The following LRCH2 variants were observed in gnomAD, a reference collection of about 807,000 sequenced individuals.
The protein encoded by LRCH2 is leucine rich repeats and calponin homology domain containing 2.
A neutral mutation model predicts 68.9 loss-of-function variants in LRCH2; 38 were observed. The observed-to-expected ratio is 0.55, with a 90% CI of 0.43 to 0.72. The LOEUF (loss-of-function observed/expected upper bound fraction) is 0.72. LRCH2 is among the 30% of genes least tolerant of loss of function. LRCH2 has a pLI of 0.00. For synonymous variants in LRCH2, 191 were observed against 208.1 expected, an observed-to-expected ratio of 0.92 and a Z score of 0.71; for missense variants, 528 against 572.9, an observed-to-expected ratio of 0.92 and a Z score of 0.80.
intron 20 of LRCH2, among the ~76,000 whole-genome samples, chrX:115,121,499 A>C (rs1424157060): frequency 9.0e-6 from 1 of 111,130 alleles, no homozygotes; most frequent in African/African-American, 3.3e-5. Flanking sequence ...TAAAAATAAA[A>C]AATTATCTGG....
At chrX:115,189,738 C>T (rs782809501) in intron 1 of LRCH2, 69 of 1,165,675 alleles carry the variant, frequency 5.9e-5, no homozygotes, top group Admixed American at 1.3e-4. Context: ...CGCCAACCCC[C>T]GGCAGCGGCA....
intron 1 of LRCH2, among the ~76,000 whole-genome samples, chrX:115,204,117 G>C (rs1180256018): frequency 8.8e-6 from 1 of 113,070 alleles, no homozygotes; most frequent in East Asian, 2.8e-4. Flanking sequence ...AAAGCTTGAG[G>C]CTTGCACCCT....
In LRCH2 at chrX:115,131,558, A is replaced by G. The variant is rs782306502; in HGVS notation, c.1696-1359T>C. ...CTTTGCTATTGTGAATAGTGCTGCA[A>G]TAAACATATGTGTACATGTGTCTTT... is the stretch of plus-strand genomic sequence containing the variant. On this transcript the variant is annotated intron_variant, in intron 14 of 20. Transcript: ENST00000317135. Among the ~76,000 whole-genome samples the G allele has an allele frequency of 7.2e-5, 8 of 111,840 alleles. No homozygotes were observed. In the East Asian group the frequency reaches 2.3e-3, roughly 32 times the overall value.
intron 14 of LRCH2, among the ~76,000 whole-genome samples, chrX:115,139,797 C>G (rs1569512825): frequency 9.0e-6 from 1 of 111,328 alleles, no homozygotes; most frequent in Non-Finnish European, 1.9e-5. Context: ...ATGGCGGGAG[C>G]ATTTGGATCA....
intron 3 of LRCH2, among the ~76,000 whole-genome samples, chrX:115,181,312 T>A (rs1407695860): frequency 8.9e-6 from 1 of 112,185 alleles, no homozygotes; most frequent in Non-Finnish European, 1.9e-5. Flanking sequence ...CTGACTTATA[T>A]TTTGACAGGA....
At chrX:115,173,186 T>C (rs2072618107) in intron 5 of LRCH2, among the ~76,000 whole-genome samples, 1 of 111,429 alleles carries the variant, frequency 9.0e-6, no homozygotes, top group African/African-American at 3.3e-5. Flanking sequence ...TTAAGTGCCA[T>C]GTCCATCCCG....
At chrX:115,116,681 A>C (rs1350917175) in intron 20 of LRCH2, among the ~76,000 whole-genome samples, 1 of 111,395 alleles carries the variant, frequency 9.0e-6, no homozygotes, top group Non-Finnish European at 1.9e-5. Flanking sequence ...ATATCTCAAT[A>C]AAAATATTTT....
At chrX:115,214,303 G>A (rs1556570831) in intron 1 of LRCH2, among the ~76,000 whole-genome samples, 1 of 112,138 alleles carries the variant, frequency 8.9e-6, no homozygotes, top group Non-Finnish European at 1.9e-5. Flanking sequence ...ATGCAAGGAT[G>A]GAAAGTGTCT....
intron 3 of LRCH2, among the ~76,000 whole-genome samples, chrX:115,183,172 T>C (rs2072707105): frequency 9.0e-6 from 1 of 111,146 alleles, no homozygotes; most frequent in Non-Finnish European, 1.9e-5. Flanking sequence ...ACTTCTAAGA[T>C]CTTTTATAAC....
intron 15 of LRCH2, among the ~76,000 whole-genome samples, chrX:115,129,056 T>C (rs1205281897): frequency 8.9e-6 from 1 of 111,906 alleles, no homozygotes; most frequent in African/African-American, 3.2e-5. Flanking sequence ...TTTGAACATA[T>C]TTAGTCCTAT....
intron 10 of LRCH2, among the ~76,000 whole-genome samples, chrX:115,164,974 C>A (rs782324261): frequency 1.6e-4 from 18 of 110,928 alleles, no homozygotes; most frequent in African/African-American, 4.9e-4. Flanking sequence ...CCTTAAAAGT[C>A]ATAATCAGCA....
intron 1 of LRCH2, among the ~76,000 whole-genome samples, chrX:115,214,807 A>G (rs781935628): frequency 9.0e-6 from 1 of 111,572 alleles, no homozygotes; most frequent in Non-Finnish European, 1.9e-5. Flanking sequence ...TAAGGAAAGG[A>G]CTGTGAGTCT....
chrX:115,127,734 A>G (rs1170101583), intron 15 of LRCH2, among the ~76,000 whole-genome samples: 2 of 111,410 alleles, frequency 1.8e-5, no homozygotes, highest in Non-Finnish European at 3.8e-5. Context: ...AAAAAGAAAG[A>G]AGGGAACAAC....
intron 14 of LRCH2, among the ~76,000 whole-genome samples, chrX:115,146,366 C>T (rs2072382531): frequency 9.0e-6 from 1 of 110,565 alleles, no homozygotes; most frequent in African/African-American, 3.3e-5. Context: ...TTTGATAGCG[C>T]AATGGGGTGA....
At chrX:115,143,087 T>C (rs1459851076) in intron 14 of LRCH2, among the ~76,000 whole-genome samples, 1 of 110,543 alleles carries the variant, frequency 9.0e-6, no homozygotes, top group African/African-American at 3.3e-5. Flanking sequence ...AGAGTGAGAC[T>C]CTGGTTTAAA....
chrX:115,192,229 C>T (rs1207617561), intron 1 of LRCH2: 3 of 1,162,588 alleles, frequency 2.6e-6, no homozygotes, highest in Non-Finnish European at 3.4e-6. Flanking sequence ...GGGCCGCGGC[C>T]TCAACAGTTC....
intron 3 of LRCH2, among the ~76,000 whole-genome samples, 157 bp downstream of exon 3, chrX:115,184,254 G>A (rs1556553652): frequency 8.9e-6 from 1 of 111,939 alleles, no homozygotes; most frequent in African/African-American, 3.2e-5. Context: ...CAGACATATA[G>A]TATCTCAAGA....
chrX:115,186,346 TA>T (rs782173753), intron 2 of LRCH2, among the ~76,000 whole-genome samples: 3,125 of 87,960 alleles, frequency 0.036, 131 homozygotes, highest in African/African-American at 0.11. Flanking sequence ...AGACTCCGTC[TA>T]AAAAAAAAAA....
At chrX:115,193,889 T>A (rs1718145013) in intron 1 of LRCH2, among the ~76,000 whole-genome samples, 1 of 111,399 alleles carries the variant, frequency 9.0e-6, no homozygotes, top group Non-Finnish European at 1.9e-5. Context: ...ATCATAGAAA[T>A]TTACTTTGCT....
Sources: allele counts gnomAD v4.1 joint callset (sites outside exome capture counted in the v4.1 genomes callset), GRCh38; gene constraint gnomAD v4.1.1; transcripts MANE v1.5; gene names NCBI Gene and HGNC (gene_info 2026-07-23, HGNC 2026-07-21).